MALRD1: variants seen among roughly 807,000 people sequenced by gnomAD.
MALRD1 encodes MAM and LDL receptor class A domain containing 1, also known as MAM and LDL-receptor class A domain-containing protein 1.
MALRD1 carries 247 observed loss-of-function variants against 242.1 expected under a neutral mutation model. The observed-to-expected ratio is 1.02, with a 90% CI of 0.92 to 1.13. MALRD1 has a LOEUF of 1.13. MALRD1 is among the 50% of genes most tolerant of loss of function. The probability of loss-of-function intolerance (pLI) is 0.00; values close to 1 mark genes in which losing one functional copy is unlikely to be tolerated. For missense variants in MALRD1, 2,989 were observed against 2,533.1 expected (o/e 1.18, Z -3.86); for synonymous variants, 995 against 866.6 (o/e 1.15, Z -2.60).
intron 26 of MALRD1, among the ~76,000 whole-genome samples, chr10:19,373,423 G>A (rs1027810112): frequency 6.6e-6 from 1 of 151,984 alleles, no homozygotes; most frequent in African/African-American, 2.4e-5. Context: ...GGAGGCTGAG[G>A]CAGGAGAATC....
At chr10:19,651,505 A>G (rs978259335) in intron 36 of MALRD1, among the ~76,000 whole-genome samples, 4 of 152,218 alleles carry the variant, frequency 2.6e-5, no homozygotes, top group Non-Finnish European at 5.9e-5. Flanking sequence ...AAAGCAGACT[A>G]CTTCGAAACC....
intron 36 of MALRD1, among the ~76,000 whole-genome samples, chr10:19,688,508 A>G (rs1427778182): frequency 2.1e-5 from 3 of 145,376 alleles, no homozygotes; most frequent in East Asian, 2.1e-4. Flanking sequence ...TAATCCTCCC[A>G]CCTCGGTCTC....
intron 36 of MALRD1, among the ~76,000 whole-genome samples, chr10:19,644,581 C>G (rs1377055392): frequency 1.7e-5 from 1 of 59,310 alleles, no homozygotes; most frequent in African/African-American, 6.4e-5. Context: ...AAATCAGGAC[C>G]ATCTTAAAGA....
At chr10:19,360,436 G>A (rs1844839573) in intron 26 of MALRD1, among the ~76,000 whole-genome samples, 1 of 152,036 alleles carries the variant, frequency 6.6e-6, no homozygotes, top group African/African-American at 2.4e-5. Context: ...CTGGAAACCT[G>A]CTTTTTTGTA....
chr10:19,356,021 T>C (rs1224235748), intron 26 of MALRD1, among the ~76,000 whole-genome samples: 1 of 150,794 alleles, frequency 6.6e-6, no homozygotes, highest in Non-Finnish European at 1.5e-5. Flanking sequence ...GTGGAGACAA[T>C]TTTATATGTG....
chr10:19,144,355 G>C (rs1373151795), intron 10 of MALRD1, among the ~76,000 whole-genome samples: 2 of 152,176 alleles, frequency 1.3e-5, no homozygotes, highest in Non-Finnish European at 2.9e-5. Flanking sequence ...AGATATGGAA[G>C]ACCCACTGTC....
chr10:19,110,256 C>T (rs1836630187), intron 5 of MALRD1, among the ~76,000 whole-genome samples: 1 of 152,198 alleles, frequency 6.6e-6, no homozygotes, highest in East Asian at 1.9e-4. Context: ...AACATCCCTT[C>T]TGTTAGCATA....
At position 19,442,065 on chromosome 10, in the gene MALRD1, A is replaced by G. The variant is rs138817812; in HGVS notation, c.4846-8242A>G. ...GTCCTTCACAAACCTTGTAAGTTGGATTCCTAGGTATTTTATTCTCTTTGA... is the reference window on the plus strand; with the variant it reads ...GTCCTTCACAAACCTTGTAAGTTGGGTTCCTAGGTATTTTATTCTCTTTGA... On this transcript the variant is annotated intron_variant, in intron 28 of 39. Transcript: ENST00000454679. 6.6e-3 allele frequency among the ~76,000 whole-genome samples: 1,011 copies of G among 152,142 alleles called. 14 individuals carry two copies. Among genetic ancestry groups the G allele is most frequent in the Admixed American group, 0.024 (367 of 15,274 alleles).
chr10:19,327,271 A>G (rs1427457040), intron 22 of MALRD1, among the ~76,000 whole-genome samples: 1 of 152,084 alleles, frequency 6.6e-6, no homozygotes, highest in Non-Finnish European at 1.5e-5. Context: ...CTGCTGCCAG[A>G]TTTTTAAAAA....
At chr10:19,530,455 ATATAATAATAAATAATT>A in intron 31 of MALRD1, among the ~76,000 whole-genome samples, 1 of 54,216 alleles carries the variant, frequency 1.8e-5, no homozygotes, top group East Asian at 5.3e-4. Flanking sequence ...AATATATAAT[ATATAATAATAAATAATT>A]ATATAATATT....
Position 19,595,083 on chromosome 10 carries a change from C to T in MALRD1, c.5681-111C>T, listed in dbSNP as rs1838010378. 4 of 1,076,096 alleles carry T rather than the reference C, an allele frequency of 3.7e-6. No homozygotes were observed. In the African/African-American group the frequency reaches 4.8e-5, roughly 13 times the overall value. 66.7% of individuals were successfully genotyped at this position (1,076,096 alleles called of 1,614,324 possible). A position where few individuals can be genotyped will look rare whatever the true frequency, so the allele number is the denominator to read the frequency against. ...ATCCTAATTAGAAATTAATTTACTT[C>T]AATTAATAAAATTCATTTTATACAA... On this transcript the variant is annotated intron_variant, in intron 33 of 39. Transcript: ENST00000454679.
At chr10:19,469,004 G>C (rs1836363446) in intron 29 of MALRD1, among the ~76,000 whole-genome samples, 1 of 151,592 alleles carries the variant, frequency 6.6e-6, no homozygotes, top group African/African-American at 2.4e-5. Flanking sequence ...TCTCAAACTT[G>C]GCTACATATA....
intron 18 of MALRD1, among the ~76,000 whole-genome samples, chr10:19,253,424 A>C (rs950472890): frequency 3.9e-5 from 6 of 151,964 alleles, no homozygotes; most frequent in Non-Finnish European, 8.8e-5. Context: ...TTATATGTCG[A>C]TTTTATCCTG....
At chr10:19,121,773 A>G (rs536781495) in intron 5 of MALRD1, among the ~76,000 whole-genome samples, 1 of 152,174 alleles carries the variant, frequency 6.6e-6, no homozygotes, top group Non-Finnish European at 1.5e-5. Flanking sequence ...GAGATTGATG[A>G]TGGGACTTGT....
chr10:19,206,314 C>T (rs1211254671), intron 17 of MALRD1, among the ~76,000 whole-genome samples: 1 of 152,090 alleles, frequency 6.6e-6, no homozygotes, highest in Non-Finnish European at 1.5e-5. Context: ...GCCTATTAAA[C>T]TCAGAATTAC....
intron 28 of MALRD1, among the ~76,000 whole-genome samples, chr10:19,443,064 G>A (rs549749691): frequency 6.6e-6 from 1 of 152,234 alleles, no homozygotes; most frequent in Non-Finnish European, 1.5e-5. Flanking sequence ...TATGTGTCGA[G>A]GAATTTATCC....
At chr10:19,210,661 G>C (rs966593446) in intron 18 of MALRD1, among the ~76,000 whole-genome samples, 5 of 151,728 alleles carry the variant, frequency 3.3e-5, no homozygotes, top group Non-Finnish European at 7.4e-5. Context: ...CTAGTTAACA[G>C]TTTTGTAACC....
chr10:19,508,837 G>T (rs760689568), intron 31 of MALRD1, among the ~76,000 whole-genome samples: 4 of 152,196 alleles, frequency 2.6e-5, no homozygotes, highest in Non-Finnish European at 1.5e-5. Context: ...CATAGGTAAA[G>T]AAGGCTTTCT....
At chr10:19,255,277 C>T (rs1462001165) in intron 18 of MALRD1, among the ~76,000 whole-genome samples, 7 of 151,896 alleles carry the variant, frequency 4.6e-5, no homozygotes, top group East Asian at 1.9e-4. Context: ...GAGTAAAATT[C>T]GACTTCCCTA....
Sources: allele counts gnomAD v4.1 joint callset (sites outside exome capture counted in the v4.1 genomes callset), GRCh38; gene constraint gnomAD v4.1.1; transcripts MANE v1.5; gene names NCBI Gene and HGNC (gene_info 2026-07-23, HGNC 2026-07-21).